DECR1: variants seen among roughly 807,000 people sequenced by gnomAD.
DECR1 encodes the protein 2,4-dienoyl-CoA reductase 1.
A neutral mutation model predicts 38.8 loss-of-function variants in DECR1; 44 were observed. That is an observed-to-expected ratio of 1.13 (90% CI 0.89 to 1.46). The LOEUF (loss-of-function observed/expected upper bound fraction) is 1.46. Among genes scored for constraint, DECR1 ranks in the 40% most tolerant of loss-of-function variants. The pLI, the probability that DECR1 is intolerant of heterozygous loss-of-function variation, is 0.00. For synonymous variants in DECR1, 148 were observed against 135.2 expected (o/e 1.09, Z -0.66); for missense variants, 428 against 405.5 (o/e 1.06, Z -0.48).
intron 8 of DECR1, among the ~76,000 whole-genome samples, chr8:90,049,023 A>G (rs1269746306): frequency 6.6e-6 from 1 of 152,238 alleles, no homozygotes; most frequent in Non-Finnish European, 1.5e-5. Context: ...TAAACTAGGT[A>G]TTGATGGGAC....
At chr8:90,041,156 G>C (rs892610816) in intron 6 of DECR1, among the ~76,000 whole-genome samples, 1 of 152,054 alleles carries the variant, frequency 6.6e-6, no homozygotes, top group African/African-American at 2.4e-5. Context: ...ACTTTTTAAT[G>C]ATTGCCATTC....
At position 90,053,400 on chromosome 8, in the gene DECR1, G is replaced by A. The variant is rs548163965; in HGVS notation, c.*1503G>A. Among the ~76,000 whole-genome samples the A allele has an allele frequency of 8.5e-5, 13 of 152,232 alleles. No homozygotes were observed. The highest frequency in any genetic ancestry group is 2.4e-4 in the African/African-American group (10 of 41,536). ...CCCATTTATAAAACCATCAGATCTC[G>A]TGAGACTTATTCACTATCACACTAT... On this transcript the variant is annotated 3_prime_UTR_variant, in exon 10 of 10. Coordinates refer to ENST00000220764, the MANE Select transcript of DECR1 (RefSeq NM_001359.2).
intron 8 of DECR1, among the ~76,000 whole-genome samples, chr8:90,045,390 A>C (rs981567274): frequency 5.9e-5 from 9 of 152,260 alleles, no homozygotes; most frequent in African/African-American, 1.7e-4. Flanking sequence ...TATCCCGCGC[A>C]TGGCTCAGAG....
rs1393555355 is a variant in DECR1, at chr8:90,052,625, T to C, written c.*728T>C. Among the ~76,000 whole-genome samples, 1 of 152,124 alleles carries C rather than the reference T, an allele frequency of 6.6e-6. No individual in the cohort carries two copies. Among genetic ancestry groups the C allele is most frequent in the East Asian group, 1.9e-4 (1 of 5,198 alleles). ...GTGATGCCTAAGAGATAGCATGCCATCCCAGCTGTAAAAGAAGAATAGATT... is the reference window on the plus strand; with the variant it reads ...GTGATGCCTAAGAGATAGCATGCCACCCCAGCTGTAAAAGAAGAATAGATT... On this transcript the variant is annotated 3_prime_UTR_variant, in exon 10 of 10. Transcript: ENST00000220764.
At position 90,015,238 on chromosome 8, in the gene DECR1, C is replaced by G. The variant is rs529819099; in HGVS notation, c.70-1886C>G. On this transcript the variant is annotated intron_variant, in intron 1 of 9. Coordinates refer to ENST00000220764, the MANE Select transcript of DECR1 (RefSeq NM_001359.2). ...TAAAGTAATGGGTGGACTCTGAAGT[C>G]AGACAGATACTGGATTTAAGTCTTT... is the stretch of plus-strand genomic sequence containing the variant. 2.6e-5 allele frequency among the ~76,000 whole-genome samples: 4 copies of G among 152,222 alleles called. No homozygotes were observed. The East Asian group carries it at 7.7e-4, about 29-fold the overall frequency.
intron 8 of DECR1, among the ~76,000 whole-genome samples, chr8:90,048,335 A>G (rs886913743): frequency 1.3e-5 from 2 of 152,208 alleles, no homozygotes; most frequent in African/African-American, 2.4e-5. Context: ...TAGATGCAAT[A>G]AAAAATGATA....
chr8:90,041,916 T>A (rs1813773673), intron 6 of DECR1, among the ~76,000 whole-genome samples: 1 of 152,166 alleles, frequency 6.6e-6, no homozygotes, highest in Non-Finnish European at 1.5e-5. Context: ...TATGAATTCT[T>A]TTAAGCTACC....
At chr8:90,016,514 A>G (rs1437114470) in intron 1 of DECR1, among the ~76,000 whole-genome samples, 3 of 151,904 alleles carry the variant, frequency 2.0e-5, no homozygotes, top group African/African-American at 7.3e-5. Context: ...TGTGCCTGTA[A>G]TCCCAGCTAC....
rs1351200706 is a variant in DECR1 at position 90,023,726 on chromosome 8, T to C, written c.565+2670T>C. Among the ~76,000 whole-genome samples, 3 of 152,226 alleles carry C rather than the reference T, an allele frequency of 2.0e-5. No individual in the cohort carries two copies. The East Asian group carries it at 5.8e-4, about 29-fold the overall frequency. ...TATCTAGTTTGCTGATAGCTTTTTT[T>C]TATTATTACACTTTAAGTTCTAGGG... On this transcript the variant is annotated intron_variant, in intron 5 of 9. Coordinates refer to ENST00000220764, the MANE Select transcript of DECR1 (RefSeq NM_001359.2).
chr8:90,016,480 CA>C (rs1483449985), intron 1 of DECR1, among the ~76,000 whole-genome samples: 4 of 151,882 alleles, frequency 2.6e-5, no homozygotes, highest in Non-Finnish European at 4.4e-5. Flanking sequence ...ACTAAAAATA[CA>C]AAAATTTAAC....
At chr8:90,036,218 C>T (rs1475836456) in intron 5 of DECR1, among the ~76,000 whole-genome samples, 1 of 152,134 alleles carries the variant, frequency 6.6e-6, no homozygotes, top group Admixed American at 6.6e-5. Flanking sequence ...GCTCCCCAAA[C>T]CGATCTCTAT....
chr8:90,003,240 C>T (rs2129985295), intron 1 of DECR1: 1 of 152,242 alleles, frequency 6.6e-6, no homozygotes, highest in East Asian at 1.9e-4. Flanking sequence ...TGGGCAAATA[C>T]AAGTTGTTAT....
At chr8:90,020,842 A>G in intron 4 of DECR1, 67 bp from the exon 5 acceptor site, 1 of 1,343,080 alleles carries the variant, frequency 7.4e-7, no homozygotes, top group African/African-American at 1.5e-5. Flanking sequence ...TTTCAGAAAA[A>G]AAACCCTGCA....
intron 5 of DECR1, among the ~76,000 whole-genome samples, chr8:90,036,222 T>TC (rs1813614009): frequency 1.3e-5 from 2 of 152,104 alleles, no homozygotes; most frequent in Admixed American, 6.6e-5. Flanking sequence ...CCCAAACCGA[T>TC]CTCTATCTTC....
chr8:90,018,011 C>T (rs978965584), intron 2 of DECR1, among the ~76,000 whole-genome samples: 4 of 152,204 alleles, frequency 2.6e-5, no homozygotes, highest in East Asian at 1.9e-4. Flanking sequence ...CTCGGCCTTC[C>T]GAGTAGCTGG....
intron 1 of DECR1, chr8:90,003,298 A>G (rs778655453): frequency 6.6e-6 from 1 of 152,210 alleles, no homozygotes. Flanking sequence ...AACCAAGGCA[A>G]ATGTTTAATT....
intron 1 of DECR1, among the ~76,000 whole-genome samples, chr8:90,016,473 A>G (rs144153068): frequency 0.043 from 6,498 of 152,120 alleles, 278 homozygotes; most frequent in East Asian, 0.19. Context: ...TGTCTGTACT[A>G]AAAATACAAA....
rs1215269116 is a variant in DECR1, at chr8:90,052,116, G to A, written c.*219G>A. On this transcript the variant is annotated 3_prime_UTR_variant, in exon 10 of 10. Transcript: ENST00000220764. ...TTAAAAAAAAAAAAAGGAGGCATGG[G>A]GAGAGTAGGTAAAGGCTCCTCTTTA... The A allele has an allele frequency of 7.8e-6, 4 of 509,560 alleles. No homozygotes were observed. Among genetic ancestry groups the A allele is most frequent in the African/African-American group, 5.9e-5 (3 of 50,818 alleles). The allele number at this position is 509,560 out of a possible 1,614,324, so 31.6% of individuals were successfully genotyped here.
At position 90,051,743 on chromosome 8, in the gene DECR1, A is replaced by G. The variant is rs776442151; in HGVS notation, c.948+4A>G. On this transcript the variant is annotated splice_donor_region_variant and intron_variant, in intron 9 of 9. Coordinates refer to ENST00000220764, the MANE Select transcript of DECR1 (RefSeq NM_001359.2). ...GGAATTCAACGACCTGAGAAAGGTA[A>G]TGCTTTTGTGTGTATAATGTAATAT... 5.6e-6 allele frequency: 9 copies of G among 1,613,358 alleles called. No individual in the cohort carries two copies. In the African/African-American group the frequency reaches 8.0e-5, roughly 14 times the overall value.
Sources: gnomAD v4.1 joint callset for allele counts (sites outside exome capture counted in the v4.1 genomes callset) on GRCh38, gnomAD v4.1.1 for gene constraint, MANE v1.5 for transcripts, NCBI Gene and HGNC (gene_info 2026-07-23, HGNC 2026-07-21) for gene names.